The following NRXN1 variants were observed in gnomAD, a reference collection of about 807,000 sequenced individuals.
The protein encoded by NRXN1 is neurexin 1.
In NRXN1, 39 loss-of-function variants were observed where a neutral mutation model predicts 150.9. The ratio of observed to expected loss-of-function variants is 0.26; its 90% CI spans 0.20 to 0.34. The LOEUF (loss-of-function observed/expected upper bound fraction) is 0.34, where lower values mean the gene tolerates loss of function less well. NRXN1 is among the 10% of genes least tolerant of loss of function. The probability of loss-of-function intolerance (pLI) is 1.00; values close to 1 mark genes in which losing one functional copy is unlikely to be tolerated. For synonymous variants in NRXN1, 924 were observed against 757.0 expected, an observed-to-expected ratio of 1.22 and a Z score of -3.62; for missense variants, 1,815 against 1,949.9, an observed-to-expected ratio of 0.93 and a Z score of 1.30.
intron 18 of NRXN1, among the ~76,000 whole-genome samples, chr2:50,147,600 G>A (rs1472247286): frequency 6.6e-6 from 1 of 151,566 alleles, no homozygotes; most frequent in Non-Finnish European, 1.5e-5. Context: ...GTGATTGACT[G>A]TAATATGAAG....
chr2:49,942,614 T>C (rs1006342795), intron 22 of NRXN1, among the ~76,000 whole-genome samples: 1 of 148,928 alleles, frequency 6.7e-6, no homozygotes, highest in African/African-American at 2.5e-5. Flanking sequence ...TTATTATTAT[T>C]TTATTATTAT....
chr2:50,270,435 T>C (rs571073388), intron 17 of NRXN1, among the ~76,000 whole-genome samples: 2 of 152,240 alleles, frequency 1.3e-5, no homozygotes, highest in East Asian at 3.9e-4. Context: ...CTATTTGTAT[T>C]TGGAGTCCTC....
chr2:50,807,835 G>T (rs1035456287), intron 5 of NRXN1, among the ~76,000 whole-genome samples: 4 of 152,082 alleles, frequency 2.6e-5, no homozygotes, highest in Admixed American at 6.6e-5. Flanking sequence ...AGTAGGTTCT[G>T]TATAAAAATT....
At chr2:50,656,354 G>C (rs758467354) in intron 5 of NRXN1, 3 of 776,288 alleles carry the variant, frequency 3.9e-6, no homozygotes, top group Non-Finnish European at 7.2e-6. Context: ...AAGAGTACCT[G>C]AGTCTGTACT....
At chr2:50,039,883 A>T (rs754939916) in intron 21 of NRXN1, among the ~76,000 whole-genome samples, 1 of 152,244 alleles carries the variant, frequency 6.6e-6, no homozygotes, top group Non-Finnish European at 1.5e-5. Context: ...GCAACTGATA[A>T]GTGCAAGGGA....
chr2:50,015,174 G>A (rs1004850455), intron 21 of NRXN1, among the ~76,000 whole-genome samples: 1 of 152,036 alleles, frequency 6.6e-6, no homozygotes, highest in Non-Finnish European at 1.5e-5. Context: ...GCAATTATCA[G>A]AGCATATCTT....
chr2:50,656,248 G>A, intron 5 of NRXN1: 1 of 609,166 alleles, frequency 1.6e-6, no homozygotes, highest in East Asian at 2.8e-5. Flanking sequence ...GTCTAATCAT[G>A]CCCCTTCTTG....
chr2:49,938,747 G>T (rs1262561313), intron 22 of NRXN1, among the ~76,000 whole-genome samples: 2 of 152,136 alleles, frequency 1.3e-5, no homozygotes, highest in African/African-American at 4.8e-5. Flanking sequence ...GGTTCCCTTT[G>T]TAACAAATGA....
intron 8 of NRXN1, among the ~76,000 whole-genome samples, chr2:50,555,992 G>C (rs1402528712): frequency 6.6e-6 from 1 of 152,112 alleles, no homozygotes; most frequent in Non-Finnish European, 1.5e-5. Context: ...TTGTAGGTAA[G>C]AACTATCTCC....
chr2:50,304,194 G>A (rs896736861), intron 17 of NRXN1, among the ~76,000 whole-genome samples: 1 of 152,036 alleles, frequency 6.6e-6, no homozygotes, highest in Non-Finnish European at 1.5e-5. Context: ...TGGGCACACC[G>A]AAATAAATTG....
intron 17 of NRXN1, among the ~76,000 whole-genome samples, chr2:50,312,287 C>T (rs1276777328): frequency 6.6e-6 from 1 of 151,934 alleles, no homozygotes; most frequent in Non-Finnish European, 1.5e-5. Flanking sequence ...AAGAATTATG[C>T]TATTGGAAGT....
chr2:50,971,848 T>C (rs996558355), intron 2 of NRXN1, among the ~76,000 whole-genome samples: 2 of 152,122 alleles, frequency 1.3e-5, no homozygotes, highest in Admixed American at 6.6e-5. Context: ...TACAGGACAA[T>C]TATTCCTCTC....
rs1406481346 is a variant in NRXN1, at chr2:50,678,108, T to C, written c.833-54493A>G. Among the ~76,000 whole-genome samples, 5 of 152,258 alleles carry C rather than the reference T, an allele frequency of 3.3e-5. 1 individual carries two copies. Among genetic ancestry groups the C allele is most frequent in the Non-Finnish European group, 5.9e-5 (4 of 68,014 alleles). ...CATCCTCCCAATAGTTAGTGACATTTATTTAGAACATTCCACTTTCTTTTC... is the reference window on the plus strand; with the variant it reads ...CATCCTCCCAATAGTTAGTGACATTCATTTAGAACATTCCACTTTCTTTTC... On this transcript the variant is annotated intron_variant, in intron 5 of 22. Coordinates refer to ENST00000401669, the MANE Select transcript of NRXN1 (RefSeq NM_001330078.2).
intron 5 of NRXN1, among the ~76,000 whole-genome samples, chr2:50,816,593 A>T (rs1324062305): frequency 6.6e-6 from 1 of 152,166 alleles, no homozygotes; most frequent in Non-Finnish European, 1.5e-5. Flanking sequence ...TTCAAAGCTT[A>T]CTGATTGTTT....
At chr2:50,007,529 G>C (rs1306708508) in intron 21 of NRXN1, among the ~76,000 whole-genome samples, 1 of 152,078 alleles carries the variant, frequency 6.6e-6, no homozygotes, top group Non-Finnish European at 1.5e-5. Flanking sequence ...ATGGTTTCCA[G>C]CTTCATCCAT....
At chr2:50,161,111 C>G (rs1017674143) in intron 18 of NRXN1, among the ~76,000 whole-genome samples, 1 of 152,132 alleles carries the variant, frequency 6.6e-6, no homozygotes, top group Non-Finnish European at 1.5e-5. Context: ...CTGCCATAAT[C>G]TGTCAAAACT....
intron 8 of NRXN1, among the ~76,000 whole-genome samples, chr2:50,614,921 G>A (rs1179740937): frequency 1.3e-5 from 2 of 152,006 alleles, no homozygotes; most frequent in Non-Finnish European, 2.9e-5. Flanking sequence ...GTTGATGCTG[G>A]TACACTGTGA....
At chr2:50,068,782 C>T (rs2152662194) in intron 19 of NRXN1, among the ~76,000 whole-genome samples, 1 of 152,122 alleles carries the variant, frequency 6.6e-6, no homozygotes, top group South Asian at 2.1e-4. Flanking sequence ...TTTTTTTACC[C>T]ATCTGATCAT....
chr2:50,678,660 C>T lies in NRXN1; in HGVS notation c.833-55045G>A, dbSNP rs970609499. On this transcript the variant is annotated intron_variant, in intron 5 of 22. Transcript: ENST00000401669. ...CCAGATCTTTTCAATCACATATGAT[C>T]ATGTCGCCAAACTGAGATATTTTTG... is the stretch of plus-strand genomic sequence containing the variant. Among the ~76,000 whole-genome samples the T allele has an allele frequency of 3.3e-5, 5 of 152,110 alleles. No individual in the cohort carries two copies. In the South Asian group the frequency reaches 8.3e-4, roughly 25 times the overall value.
Sources: allele counts gnomAD v4.1 joint callset (sites outside exome capture counted in the v4.1 genomes callset), GRCh38; gene constraint gnomAD v4.1.1; transcripts MANE v1.5; gene names NCBI Gene and HGNC (gene_info 2026-07-23, HGNC 2026-07-21).